Variants in ELAPOR2 observed in about 807,000 individuals in gnomAD.
ELAPOR2 encodes endosome-lysosome associated apoptosis and autophagy regulator family member 2, also known as endosome/lysosome-associated apoptosis and autophagy regulator family member 2.
A neutral mutation model predicts 120.7 loss-of-function variants in ELAPOR2; 89 were observed. The observed-to-expected ratio is 0.74, with a 90% CI of 0.62 to 0.88. The LOEUF is 0.88. ELAPOR2 is among the 40% of genes least tolerant of loss of function. The pLI is 0.00. For synonymous variants in ELAPOR2, 444 were observed against 444.9 expected (o/e 1.00, Z 0.03); for missense variants, 1,134 against 1,251.6 (o/e 0.91, Z 1.42).
intron 3 of ELAPOR2, 54 bp downstream of exon 3, chr7:86,947,673 C>CAAA: frequency 7.0e-7 from 1 of 1,420,434 alleles, no homozygotes; most frequent in Non-Finnish European, 9.6e-7. Context: ...AAAAGAGCAA[C>CAAA]TACTTTCTTC....
chr7:86,970,379 T>C (rs1016564222), intron 1 of ELAPOR2, among the ~76,000 whole-genome samples: 4 of 152,172 alleles, frequency 2.6e-5, no homozygotes, highest in Non-Finnish European at 5.9e-5. Context: ...AAATTCCTTC[T>C]CTTTGAATTT....
At chr7:86,926,546 G>C (rs567276412) in intron 9 of ELAPOR2, among the ~76,000 whole-genome samples, 190 bp downstream of exon 9, 1 of 152,064 alleles carries the variant, frequency 6.6e-6, no homozygotes, top group African/African-American at 2.4e-5. Flanking sequence ...TGGATAGTAA[G>C]TATACAACAT....
At chr7:87,002,669 C>T (rs1562963826) in intron 1 of ELAPOR2, among the ~76,000 whole-genome samples, 1 of 152,034 alleles carries the variant, frequency 6.6e-6, no homozygotes, top group Non-Finnish European at 1.5e-5. Flanking sequence ...GGGTAGAGTT[C>T]CCAGGGAAGC....
intron 1 of ELAPOR2, among the ~76,000 whole-genome samples, chr7:87,042,290 C>A (rs1253179606): frequency 1.3e-5 from 2 of 150,404 alleles, no homozygotes; most frequent in Non-Finnish European, 3.0e-5. Flanking sequence ...CTCTCCACCC[C>A]AAGTCAACAG....
At chr7:86,948,530 A>G (rs755953316) in intron 2 of ELAPOR2, among the ~76,000 whole-genome samples, 8 of 152,204 alleles carry the variant, frequency 5.3e-5, no homozygotes, top group Admixed American at 2.0e-4. Context: ...ACAACTAAAT[A>G]TAAAAAGGGA....
intron 8 of ELAPOR2, among the ~76,000 whole-genome samples, chr7:86,934,483 C>T (rs1431738859): frequency 6.6e-6 from 1 of 151,920 alleles, no homozygotes; most frequent in Non-Finnish European, 1.5e-5. Flanking sequence ...CTTTTCAGCC[C>T]TCATCTAGGG....
rs143303108 is a variant in ELAPOR2, at chr7:87,045,875, T to C, written c.189+13450A>G. ...ACCAAATGGGGAAAAACTGAAAGCC[T>C]TTCCTCTAAGATCTTGAACACAACA... On this transcript the variant is annotated intron_variant, in intron 1 of 21. Transcript: ENST00000450689. Among the ~76,000 whole-genome samples, 1,219 of 152,102 alleles carry C rather than the reference T, an allele frequency of 8.0e-3. 16 individuals are homozygous for C. The highest frequency in any genetic ancestry group is 0.028 in the African/African-American group (1,167 of 41,520).
intron 1 of ELAPOR2, among the ~76,000 whole-genome samples, chr7:86,988,035 A>G (rs1792813888): frequency 6.6e-6 from 1 of 152,206 alleles, no homozygotes; most frequent in Admixed American, 6.5e-5. Flanking sequence ...GGATGAGTTC[A>G]TGTCCTTTGC....
intron 1 of ELAPOR2, among the ~76,000 whole-genome samples, chr7:86,970,979 C>T (rs1792088789): frequency 6.6e-6 from 1 of 151,800 alleles, no homozygotes; most frequent in Admixed American, 6.6e-5. Context: ...GGGGATACAG[C>T]AGTGAACAAA....
rs189661218 is a variant in ELAPOR2 at position 86,924,518 on chromosome 7, A to G, written c.1399+1010T>C. ...AAATTCAATTATAGGACATTTTAGGAAAAAAAAAACCTTCAGGGTCAAGTA... is the reference window on the plus strand; with the variant it reads ...AAATTCAATTATAGGACATTTTAGGGAAAAAAAAACCTTCAGGGTCAAGTA... On this transcript the variant is annotated intron_variant, in intron 10 of 21. Transcript: ENST00000450689. Among the ~76,000 whole-genome samples the G allele has an allele frequency of 2.9e-3, 436 of 149,190 alleles. 2 individuals carry two copies. The highest frequency in any genetic ancestry group is 0.01 in the African/African-American group (423 of 40,744).
At chr7:87,011,221 T>TCACGCCACTGCACTCCA (rs56074608) in intron 1 of ELAPOR2, among the ~76,000 whole-genome samples, 83 of 138,172 alleles carry the variant, frequency 6.0e-4, no homozygotes, top group Admixed American at 2.4e-3. Context: ...TGAGCCAAGA[T>TCACGCCACTGCACTCCA]GCATGGCGAC....
At chr7:86,968,333 A>C (rs1791991565) in intron 1 of ELAPOR2, among the ~76,000 whole-genome samples, 1 of 152,210 alleles carries the variant, frequency 6.6e-6, no homozygotes, top group Non-Finnish European at 1.5e-5. Context: ...ATAGAAAATT[A>C]ATACATGTCA....
At chr7:86,943,266 A>C (rs971889104) in intron 4 of ELAPOR2, among the ~76,000 whole-genome samples, 18 of 151,318 alleles carry the variant, frequency 1.2e-4, no homozygotes, top group Non-Finnish European at 2.5e-4. Context: ...AAGTCTAATC[A>C]CTTAGTCTCT....
chr7:87,020,603 G>T (rs1794007766), intron 1 of ELAPOR2, among the ~76,000 whole-genome samples: 1 of 152,072 alleles, frequency 6.6e-6, no homozygotes, highest in Non-Finnish European at 1.5e-5. Flanking sequence ...GTTGCCAGGA[G>T]CTGCAGGGAG....
chr7:87,003,960 A>C (rs1462368490), intron 1 of ELAPOR2, among the ~76,000 whole-genome samples: 1 of 152,136 alleles, frequency 6.6e-6, no homozygotes. Context: ...TGAGACTTGA[A>C]CATGGCTCAA....
At chr7:87,026,596 T>C (rs1014053397) in intron 1 of ELAPOR2, among the ~76,000 whole-genome samples, 3 of 152,058 alleles carry the variant, frequency 2.0e-5, no homozygotes, top group African/African-American at 7.2e-5. Flanking sequence ...TTACCACAGC[T>C]GTTTTGTTCT....
intron 1 of ELAPOR2, among the ~76,000 whole-genome samples, chr7:87,010,986 G>A (rs368892951): frequency 6.6e-6 from 1 of 151,908 alleles, no homozygotes; most frequent in Non-Finnish European, 1.5e-5. Context: ...AAAATATACC[G>A]ACCAGGTGCA....
At chr7:87,039,673 T>A (rs535442588) in intron 1 of ELAPOR2, among the ~76,000 whole-genome samples, 1 of 152,282 alleles carries the variant, frequency 6.6e-6, no homozygotes, top group East Asian at 1.9e-4. Context: ...TCATTTCAAT[T>A]GATGCTGAAA....
At chr7:86,938,660 T>C in intron 7 of ELAPOR2, 148 bp downstream of exon 7, 1 of 742,202 alleles carries the variant, frequency 1.3e-6, no homozygotes, top group Non-Finnish European at 2.2e-6. Flanking sequence ...TAAGATGTCA[T>C]ATTTTATCCA....
Sources: allele counts gnomAD v4.1 joint callset (sites outside exome capture counted in the v4.1 genomes callset), GRCh38; gene constraint gnomAD v4.1.1; transcripts MANE v1.5; gene names NCBI Gene and HGNC (gene_info 2026-07-23, HGNC 2026-07-21).